Variants in TBC1D8 observed in about 807,000 individuals in gnomAD.
TBC1D8 encodes BUB2-like protein 1.
TBC1D8 carries 65 observed loss-of-function variants against 118.8 expected under a neutral mutation model. The observed-to-expected ratio is 0.55, with a 90% CI of 0.45 to 0.67. The LOEUF is 0.67. TBC1D8 is among the 30% of genes least tolerant of loss of function. TBC1D8 has a pLI of 0.00. For synonymous variants in TBC1D8, 566 were observed against 595.8 expected (o/e 0.95, Z 0.73); for missense variants, 1,376 against 1,471.2 (o/e 0.94, Z 1.06).
chr2:101,034,395 C>T (rs1680870751), intron 9 of TBC1D8, among the ~76,000 whole-genome samples: 2 of 152,186 alleles, frequency 1.3e-5, no homozygotes, highest in Admixed American at 6.5e-5. Flanking sequence ...GCGTGAGGCA[C>T]ATCAAGGGGG....
At chr2:101,056,621 G>A (rs1682450286) in intron 3 of TBC1D8, among the ~76,000 whole-genome samples, 1 of 152,196 alleles carries the variant, frequency 6.6e-6, no homozygotes, top group Non-Finnish European at 1.5e-5. Context: ...TGAAGTTCTA[G>A]TTAAGAGAGA....
chr2:101,010,602 C>G (rs543135086), intron 19 of TBC1D8, among the ~76,000 whole-genome samples: 8 of 152,110 alleles, frequency 5.3e-5, no homozygotes, highest in Middle Eastern at 6.8e-3. Flanking sequence ...AGTTAATTCT[C>G]GGTCGGGCGC....
intron 1 of TBC1D8, among the ~76,000 whole-genome samples, chr2:101,098,748 T>A (rs151235707): frequency 3.6e-4 from 55 of 152,226 alleles, no homozygotes; most frequent in Admixed American, 9.8e-4. Flanking sequence ...AATTGAACAA[T>A]CTGTTCCTGA....
At chr2:101,016,866 T>A (rs1048509023) in intron 17 of TBC1D8, among the ~76,000 whole-genome samples, 1 of 151,934 alleles carries the variant, frequency 6.6e-6, no homozygotes, top group Non-Finnish European at 1.5e-5. Flanking sequence ...TAGATGGGAA[T>A]TGAACAATGA....
chr2:101,150,256 T>G (rs1679497068), intron 1 of TBC1D8, among the ~76,000 whole-genome samples: 1 of 152,160 alleles, frequency 6.6e-6, no homozygotes. Context: ...GACCTCTCTC[T>G]GGCCTCTGTC....
chr2:101,119,255 C>T lies in TBC1D8; in HGVS notation c.128-28891G>A, dbSNP rs375441724. 2.4e-3 allele frequency among the ~76,000 whole-genome samples: 370 copies of T among 152,256 alleles called. 1 individual carries two copies. The highest frequency in any genetic ancestry group is 3.4e-3 in the Middle Eastern group (1 of 294). On this transcript the variant is annotated intron_variant, in intron 1 of 19. Coordinates refer to ENST00000409318, the MANE Select transcript of TBC1D8 (RefSeq NM_001330348.2). ...TCCACATAAACCTTCAACTAAGTCC[C>T]CCTGGCCCTCCATGTCTCCCCAACA...
intron 2 of TBC1D8, among the ~76,000 whole-genome samples, chr2:101,067,398 G>A (rs4456725): frequency 2.1e-4 from 32 of 152,322 alleles, no homozygotes; most frequent in Middle Eastern, 3.4e-3. Context: ...GGGACGTTGA[G>A]ATCAGGGACA....
At chr2:101,073,829 G>A (rs1674634428) in intron 2 of TBC1D8, among the ~76,000 whole-genome samples, 2 of 152,204 alleles carry the variant, frequency 1.3e-5, no homozygotes, top group African/African-American at 2.4e-5. Context: ...CAGAATTTAA[G>A]AAAGTGAGAG....
chr2:101,016,618 T>C (rs1679657227), intron 17 of TBC1D8, among the ~76,000 whole-genome samples: 1 of 152,126 alleles, frequency 6.6e-6, no homozygotes, highest in African/African-American at 2.4e-5. Context: ...TAAAGACACA[T>C]GCACACGTAT....
intron 2 of TBC1D8, among the ~76,000 whole-genome samples, chr2:101,084,069 C>G (rs959821581): frequency 2.0e-5 from 3 of 152,136 alleles, no homozygotes; most frequent in African/African-American, 4.8e-5. Context: ...ACAGACCTGG[C>G]CCGGGTCAGG....
At chr2:101,022,596 T>A in intron 15 of TBC1D8, 75 bp from the exon 16 acceptor site, 1 of 1,513,974 alleles carries the variant, frequency 6.6e-7, no homozygotes, top group Non-Finnish European at 8.7e-7. Flanking sequence ...ACAAATACAA[T>A]AATAAATTAC....
chr2:101,109,232 G>A (rs1677423291), intron 1 of TBC1D8, among the ~76,000 whole-genome samples: 1 of 152,156 alleles, frequency 6.6e-6, no homozygotes, highest in Admixed American at 6.6e-5. Context: ...GCACCACAGA[G>A]GAGATGCAAA....
At chr2:101,113,220 G>A (rs796064) in intron 1 of TBC1D8, among the ~76,000 whole-genome samples, 95,918 of 151,902 alleles carry the variant, frequency 0.63, 30,406 homozygotes, top group East Asian at 0.8. Context: ...ATCCATTTTT[G>A]TTATAGAATT....
chr2:101,055,379 C>CAA (rs554844344), intron 3 of TBC1D8, among the ~76,000 whole-genome samples: 14 of 134,176 alleles, frequency 1.0e-4, no homozygotes, highest in African/African-American at 3.9e-4. Flanking sequence ...ACAGAGTCCT[C>CAA]AAAAAAAAAA....
intron 17 of TBC1D8, among the ~76,000 whole-genome samples, chr2:101,014,967 ATTATT>A (rs200118010): frequency 1.3e-5 from 2 of 148,840 alleles, no homozygotes; most frequent in African/African-American, 5.0e-5. Context: ...TGTGAAATCT[ATTATT>A]TTATAGAGTC....
chr2:101,098,589 T>C lies in TBC1D8; in HGVS notation c.128-8225A>G, dbSNP rs544872358. Among the ~76,000 whole-genome samples the C allele has an allele frequency of 2.0e-5, 3 of 152,314 alleles. No homozygotes were observed. The East Asian group carries it at 5.8e-4, about 29-fold the overall frequency. ...TCTTCTCAGTGCCACACGGCACTTA[T>C]TCTAAAATTGACCACATAATTGGAA... On this transcript the variant is annotated intron_variant, in intron 1 of 19. Coordinates refer to ENST00000409318, the MANE Select transcript of TBC1D8 (RefSeq NM_001330348.2).
intron 2 of TBC1D8, among the ~76,000 whole-genome samples, chr2:101,087,240 A>C (rs921171169): frequency 2.0e-5 from 3 of 152,320 alleles, no homozygotes; most frequent in Non-Finnish European, 4.4e-5. Flanking sequence ...TCAAGTCCAG[A>C]AACAAGGGCA....
At chr2:101,072,544 A>G (rs1439521675) in intron 2 of TBC1D8, among the ~76,000 whole-genome samples, 2 of 152,040 alleles carry the variant, frequency 1.3e-5, no homozygotes, top group Non-Finnish European at 2.9e-5. Flanking sequence ...GTGGGAGACA[A>G]TTTTTCCATG....
At chr2:101,140,719 T>A (rs1048431275) in intron 1 of TBC1D8, among the ~76,000 whole-genome samples, 2 of 152,076 alleles carry the variant, frequency 1.3e-5, no homozygotes, top group African/African-American at 4.8e-5. Context: ...ATTATTTTTG[T>A]ATCCACCTTC....
Sources: gnomAD v4.1 joint callset for allele counts (sites outside exome capture counted in the v4.1 genomes callset) on GRCh38, gnomAD v4.1.1 for gene constraint, MANE v1.5 for transcripts, NCBI Gene and HGNC (gene_info 2026-07-23, HGNC 2026-07-21) for gene names.